ABCA13: variants seen among roughly 807,000 people sequenced by gnomAD.
ABCA13 encodes ATP-binding cassette sub-family A member 13.
ABCA13 carries 476 observed loss-of-function variants against 478.7 expected under a neutral mutation model. The observed-to-expected ratio is 0.99, with a 90% CI of 0.92 to 1.07. The LOEUF (loss-of-function observed/expected upper bound fraction) is 1.07. Among genes scored for constraint, ABCA13 ranks in the 50% least tolerant of loss-of-function variants. The pLI, the probability that ABCA13 is intolerant of heterozygous loss-of-function variation, is 0.00. For missense variants in ABCA13, 6,060 were observed against 5,910.6 expected (o/e 1.03, Z -0.83); for synonymous variants, 2,252 against 2,158.9 (o/e 1.04, Z -1.20).
intron 19 of ABCA13, 109 bp from the exon 20 acceptor site, chr7:48,287,851 T>G: frequency 1.3e-6 from 1 of 777,452 alleles, no homozygotes; most frequent in African/African-American, 1.7e-5. Context: ...ATTTAAGAAA[T>G]GTTTAGGAAT....
chr7:48,409,711 A>G (rs1278783021), intron 39 of ABCA13, among the ~76,000 whole-genome samples: 1 of 152,110 alleles, frequency 6.6e-6, no homozygotes, highest in Non-Finnish European at 1.5e-5. Context: ...ACTCAGTGCT[A>G]TGATTTTCTT....
intron 59 of ABCA13, 36 bp from the exon 60 acceptor site, chr7:48,643,252 G>GA (rs777081990): frequency 2.1e-6 from 3 of 1,395,592 alleles, no homozygotes; most frequent in Non-Finnish European, 3.0e-6. Flanking sequence ...AGGTCAATAT[G>GA]ATAATAATCA....
intron 31 of ABCA13, among the ~76,000 whole-genome samples, chr7:48,358,226 G>T (rs1810262733): frequency 6.0e-5 from 1 of 16,754 alleles, no homozygotes. Context: ...GAAAGGAAGG[G>T]GAGGGGAGGG....
chr7:48,508,605 T>G (rs1831416629), intron 50 of ABCA13, among the ~76,000 whole-genome samples: 1 of 152,216 alleles, frequency 6.6e-6, no homozygotes, highest in South Asian at 2.1e-4. Context: ...AAAAGCATCT[T>G]ATATGATAAG....
chr7:48,362,711 T>C (rs1353465287), intron 31 of ABCA13, among the ~76,000 whole-genome samples: 1 of 151,874 alleles, frequency 6.6e-6, no homozygotes, highest in Non-Finnish European at 1.5e-5. Context: ...ATATAAGTAA[T>C]ATAAACCCTT....
chr7:48,229,747 G>C, intron 6 of ABCA13, 78 bp from the exon 7 acceptor site: 4 of 1,552,954 alleles, frequency 2.6e-6, no homozygotes, highest in Non-Finnish European at 3.5e-6. Flanking sequence ...TCCATGGGAT[G>C]TAAGTAAACC....
intron 54 of ABCA13, among the ~76,000 whole-genome samples, chr7:48,526,799 A>G (rs147706021): frequency 6.6e-6 from 1 of 152,314 alleles, no homozygotes; most frequent in East Asian, 1.9e-4. Context: ...CTGAACTATC[A>G]TTGACTGTAT....
intron 59 of ABCA13, among the ~76,000 whole-genome samples, chr7:48,629,314 T>C (rs753661666): frequency 6.6e-6 from 1 of 152,148 alleles, no homozygotes. Context: ...ATTGTAAATA[T>C]AGCCTAGGCA....
At chr7:48,431,676 C>G (rs1412986204) in intron 42 of ABCA13, among the ~76,000 whole-genome samples, 1 of 152,154 alleles carries the variant, frequency 6.6e-6, no homozygotes, top group African/African-American at 2.4e-5. Flanking sequence ...TCTTTGCGGG[C>G]TCTGTTAGGT....
intron 58 of ABCA13, among the ~76,000 whole-genome samples, chr7:48,602,509 G>C (rs532117300): frequency 6.6e-6 from 1 of 152,250 alleles, no homozygotes; most frequent in African/African-American, 2.4e-5. Context: ...GTTTTTGCCA[G>C]TTTTGTCAAA....
intron 17 of ABCA13, among the ~76,000 whole-genome samples, chr7:48,277,512 T>G (rs1796459192): frequency 6.6e-6 from 1 of 152,218 alleles, no homozygotes; most frequent in Non-Finnish European, 1.5e-5. Flanking sequence ...TAGGTTAGTG[T>G]TCGATTGAAT....
At chr7:48,415,232 T>C (rs764273542) in intron 41 of ABCA13, among the ~76,000 whole-genome samples, 3 of 152,146 alleles carry the variant, frequency 2.0e-5, no homozygotes, top group Non-Finnish European at 4.4e-5. Flanking sequence ...CTGGCATGAG[T>C]CAGTTTCCCT....
At chr7:48,504,658 G>A (rs1223862677) in intron 48 of ABCA13, among the ~76,000 whole-genome samples, 3 of 152,174 alleles carry the variant, frequency 2.0e-5, no homozygotes, top group Non-Finnish European at 4.4e-5. Flanking sequence ...TTAATCCAGA[G>A]TGTTCTCATT....
intron 55 of ABCA13, among the ~76,000 whole-genome samples, chr7:48,565,125 C>A (rs1172577250): frequency 6.6e-6 from 1 of 150,862 alleles, no homozygotes; most frequent in African/African-American, 2.4e-5. Flanking sequence ...AAAAACATGT[C>A]TTTGATATAT....
At chr7:48,517,549 G>A (rs1832223531) in intron 52 of ABCA13, among the ~76,000 whole-genome samples, 1 of 152,042 alleles carries the variant, frequency 6.6e-6, no homozygotes, top group Admixed American at 6.6e-5. Flanking sequence ...AGGTCAAGGT[G>A]AACCCATTAG....
chr7:48,542,376 A>T (rs199915478), intron 55 of ABCA13, among the ~76,000 whole-genome samples: 2 of 151,772 alleles, frequency 1.3e-5, no homozygotes, highest in East Asian at 3.8e-4. Context: ...CATGATCAAC[A>T]TTATTATTTA....
chr7:48,640,852 T>C (rs1795054514), intron 59 of ABCA13, among the ~76,000 whole-genome samples: 1 of 152,164 alleles, frequency 6.6e-6, no homozygotes, highest in Admixed American at 6.5e-5. Context: ...CGTTTAGAAG[T>C]CTTCTTAACT....
intron 15 of ABCA13, among the ~76,000 whole-genome samples, chr7:48,254,390 A>G (rs1389880153): frequency 6.6e-6 from 1 of 152,116 alleles, no homozygotes; most frequent in Admixed American, 6.6e-5. Context: ...CAGTCTCCCA[A>G]GTAGCTATGA....
intron 36 of ABCA13, among the ~76,000 whole-genome samples, chr7:48,388,329 T>C (rs1263845556): frequency 1.3e-5 from 2 of 152,216 alleles, no homozygotes; most frequent in East Asian, 3.8e-4. Flanking sequence ...TGTAAAGCAT[T>C]TAAAAATTTT....
Sources: gnomAD v4.1 joint callset for allele counts (sites outside exome capture counted in the v4.1 genomes callset) on GRCh38, gnomAD v4.1.1 for gene constraint, MANE v1.5 for transcripts, NCBI Gene and HGNC (gene_info 2026-07-23, HGNC 2026-07-21) for gene names.